The following PRLR variants were observed in gnomAD, a reference collection of about 807,000 sequenced individuals.
PRLR encodes the protein hPRL receptor.
PRLR carries 13 observed loss-of-function variants against 40.2 expected under a neutral mutation model. The observed-to-expected ratio is 0.32, with a 90% confidence interval of 0.21 to 0.51. The LOEUF (loss-of-function observed/expected upper bound fraction) is 0.51. Ranked by LOEUF, PRLR falls within the 20% of genes least tolerant of loss-of-function variation. PRLR has a pLI of 0.97. For missense variants in PRLR, 656 were observed against 747.3 expected, an observed-to-expected ratio of 0.88 and a Z score of 1.42; for synonymous variants, 269 against 278.7, an observed-to-expected ratio of 0.97 and a Z score of 0.35.
chr5:35,064,926 A>G lies in PRLR; in HGVS notation c.*163T>C. On this transcript the variant is annotated 3_prime_UTR_variant, in exon 10 of 10. Coordinates refer to ENST00000618457, the MANE Select transcript of PRLR (RefSeq NM_000949.7). ...TAGGAAACATAATGATTTGTTCTGG[A>G]ATCAGCTGCTGGAGAAAGAGGCAAG... is the stretch of plus-strand genomic sequence containing the variant. 1.4e-6 allele frequency: 1 copy of G among 713,558 alleles called. No individual in the cohort carries two copies. Among genetic ancestry groups the G allele is most frequent in the Non-Finnish European group, 2.3e-6 (1 of 438,796 alleles). The allele number at this position is 713,558 out of a possible 1,614,324, so 44.2% of individuals were successfully genotyped here. A position where few individuals can be genotyped will look rare whatever the true frequency, so the allele number is the denominator to read the frequency against.
At chr5:35,124,838 C>T (rs751380914) in intron 1 of PRLR, among the ~76,000 whole-genome samples, 85 of 152,120 alleles carry the variant, frequency 5.6e-4, no homozygotes, top group Non-Finnish European at 1.1e-3. Flanking sequence ...CCCTTATTTT[C>T]CAAAATGTTT....
chr5:35,155,025 T>C (rs143456261), intron 1 of PRLR, among the ~76,000 whole-genome samples: 1,870 of 152,104 alleles, frequency 0.012, 40 homozygotes, highest in African/African-American at 0.043. Context: ...CCAGGAAGAA[T>C]AGCTAATGGA....
chr5:35,092,612 C>T (rs1003782921), intron 2 of PRLR, among the ~76,000 whole-genome samples: 1 of 152,160 alleles, frequency 6.6e-6, no homozygotes, highest in Non-Finnish European at 1.5e-5. Context: ...CGAGGGCAGG[C>T]GTGGCCCTTC....
intron 1 of PRLR, among the ~76,000 whole-genome samples, chr5:35,214,112 C>T (rs1039922951): frequency 2.6e-5 from 4 of 152,196 alleles, no homozygotes; most frequent in Admixed American, 2.0e-4. Context: ...TGCTTCTACC[C>T]TTTCCTTATT....
intron 1 of PRLR, among the ~76,000 whole-genome samples, chr5:35,137,790 C>T (rs11739625): frequency 0.064 from 9,785 of 152,114 alleles, 1,029 homozygotes; most frequent in African/African-American, 0.21. Flanking sequence ...TAAATATTAA[C>T]GTGTTAAAAT....
intron 2 of PRLR, among the ~76,000 whole-genome samples, chr5:35,102,094 C>T (rs1771919959): frequency 6.6e-6 from 1 of 152,084 alleles, no homozygotes; most frequent in Admixed American, 6.6e-5. Context: ...TCCCAAAGTG[C>T]CGTGATTACA....
chr5:35,095,035 C>T (rs536550881), intron 2 of PRLR, among the ~76,000 whole-genome samples: 2 of 152,072 alleles, frequency 1.3e-5, no homozygotes, highest in East Asian at 3.9e-4. Context: ...TGCCATGTTG[C>T]CCAGGCTGGT....
At chr5:35,174,057 C>T (rs926977667) in intron 1 of PRLR, among the ~76,000 whole-genome samples, 1 of 151,674 alleles carries the variant, frequency 6.6e-6, no homozygotes, top group African/African-American at 2.4e-5. Context: ...TGTTCAATTC[C>T]CACCTATGAG....
At chr5:35,223,831 G>A (rs972393422) in intron 1 of PRLR, among the ~76,000 whole-genome samples, 3 of 152,222 alleles carry the variant, frequency 2.0e-5, no homozygotes, top group African/African-American at 7.2e-5. Context: ...TCCCCGTGGA[G>A]TCTAGCATAG....
chr5:35,051,323 T>A (rs1312471107), downstream of PRLR, among the ~76,000 whole-genome samples: 1 of 152,212 alleles, frequency 6.6e-6, no homozygotes, highest in African/African-American at 2.4e-5. Flanking sequence ...ATAATTTATG[T>A]GGGGAAGATT....
chr5:35,169,903 C>A (rs1411721464), intron 1 of PRLR, among the ~76,000 whole-genome samples: 3 of 152,168 alleles, frequency 2.0e-5, no homozygotes, highest in Non-Finnish European at 4.4e-5. Context: ...AGGTGGCTCT[C>A]CAAATTCATC....
chr5:35,089,645 G>A lies in PRLR; in HGVS notation c.-25C>T, dbSNP rs749638196. On this transcript the variant is annotated 5_prime_UTR_variant, in exon 3 of 10. Coordinates refer to ENST00000618457, the MANE Select transcript of PRLR (RefSeq NM_000949.7). ...TGTTGGCTGCCTTCTCTTGCTGCAG[G>A]AAATGTATCAGAAGTTCACTGGAAG... is the stretch of plus-strand genomic sequence containing the variant. The A allele has an allele frequency of 1.2e-6, 2 of 1,613,566 alleles. No individual in the cohort carries two copies. Among genetic ancestry groups the A allele is most frequent in the South Asian group, 2.2e-5 (2 of 91,044 alleles).
At chr5:35,085,427 C>T (rs1397965667) in intron 4 of PRLR, among the ~76,000 whole-genome samples, 1 of 152,190 alleles carries the variant, frequency 6.6e-6, no homozygotes, top group African/African-American at 2.4e-5. Flanking sequence ...GAATGCAGCT[C>T]TCCCATGATT....
At chr5:35,219,711 C>T (rs762991482) in intron 1 of PRLR, among the ~76,000 whole-genome samples, 7 of 152,090 alleles carry the variant, frequency 4.6e-5, no homozygotes, top group South Asian at 2.1e-4. Flanking sequence ...AATAGTCTTA[C>T]GAGACAGGAT....
chr5:35,079,335 A>G (rs1770342464), intron 5 of PRLR, among the ~76,000 whole-genome samples: 1 of 152,232 alleles, frequency 6.6e-6, no homozygotes, highest in Non-Finnish European at 1.5e-5. Context: ...AAATCTCCTT[A>G]AGCTGATAAG....
intron 1 of PRLR, among the ~76,000 whole-genome samples, chr5:35,191,090 A>G (rs1433632894): frequency 1.8e-5 from 1 of 54,350 alleles, no homozygotes; most frequent in African/African-American, 6.7e-5. Flanking sequence ...TTTTTTTTTG[A>G]GACGGAGTCT....
At chr5:35,208,940 A>G (rs1344721726) in intron 1 of PRLR, among the ~76,000 whole-genome samples, 2 of 152,176 alleles carry the variant, frequency 1.3e-5, no homozygotes, top group Admixed American at 6.6e-5. Context: ...TTAACAAATT[A>G]GCAAAATCAG....
At chr5:35,204,670 T>C (rs1273792677) in intron 1 of PRLR, among the ~76,000 whole-genome samples, 1 of 152,144 alleles carries the variant, frequency 6.6e-6, no homozygotes, top group African/African-American at 2.4e-5. Context: ...TTAAACAACC[T>C]GGAAGAATCT....
chr5:35,062,880 A>G lies in PRLR; in HGVS notation c.*2209T>C, dbSNP rs974003061. The G allele has an allele frequency of 6.6e-6, 1 of 152,216 alleles. No homozygotes were observed. Among genetic ancestry groups the G allele is most frequent in the Non-Finnish European group, 1.5e-5 (1 of 68,032 alleles). 9.4% of individuals were successfully genotyped at this position (152,216 alleles called of 1,614,324 possible). A position where few individuals can be genotyped will look rare whatever the true frequency, so the allele number is the denominator to read the frequency against. On this transcript the variant is annotated 3_prime_UTR_variant, in exon 10 of 10. Transcript: ENST00000618457. Reference sequence around the variant, plus strand: ...GATATGTTTCTTTTTTTGCCTGCTTACATGCAGTGTTGTTCATTGCAAGTC... The same window carrying G: ...GATATGTTTCTTTTTTTGCCTGCTTGCATGCAGTGTTGTTCATTGCAAGTC...
Sources: allele counts gnomAD v4.1 joint callset (sites outside exome capture counted in the v4.1 genomes callset), GRCh38; gene constraint gnomAD v4.1.1; transcripts MANE v1.5; gene names NCBI Gene and HGNC (gene_info 2026-07-23, HGNC 2026-07-21).